The following MIA2 variants were observed in gnomAD, a reference collection of about 807,000 sequenced individuals.
MIA2 encodes the protein melanoma inhibitory activity protein 2.
Under a neutral mutation model 167.8 loss-of-function variants are expected in MIA2, and 127 were observed. The ratio of observed to expected loss-of-function variants is 0.76; its 90% CI spans 0.66 to 0.88. The LOEUF is 0.88. Ranked by LOEUF, MIA2 falls within the 40% of genes least tolerant of loss-of-function variation. The probability of loss-of-function intolerance (pLI) is 0.00; values close to 1 mark genes in which losing one functional copy is unlikely to be tolerated. For missense variants in MIA2, 1,690 were observed against 1,624.7 expected, an observed-to-expected ratio of 1.04 and a Z score of -0.69; for synonymous variants, 552 against 541.9, an observed-to-expected ratio of 1.02 and a Z score of -0.26.
rs78536283 is a variant in MIA2 at position 39,277,038 on chromosome 14, C to G, written c.1992C>G (p.Leu664=). 16 of 1,611,968 alleles carry G rather than the reference C, an allele frequency of 9.9e-6. No individual in the cohort carries two copies. The African/African-American group carries it at 1.6e-4, about 16-fold the overall frequency. Reference sequence around the variant, plus strand: ...CTGTTGTTGGATTTTTTGCTGTTCTCTTTTTTTTGTGGAGAAGTTTTAGAT... The same window carrying G: ...CTGTTGTTGGATTTTTTGCTGTTCTGTTTTTTTTGTGGAGAAGTTTTAGAT... ...CAAVVGFFAV[L]FFLWRSFRSV... is the part of the protein sequence containing the mutation. Residue 664 remains leucine, a synonymous_variant, in exon 7 of 29, where the codon CTC becomes CTG. Coordinates refer to ENST00000640607, the MANE Select transcript of MIA2 (RefSeq NM_001329214.4).
intron 7 of MIA2, among the ~76,000 whole-genome samples, chr14:39,278,834 C>G (rs1171611183): frequency 1.3e-5 from 2 of 152,104 alleles, no homozygotes; most frequent in Non-Finnish European, 2.9e-5. Context: ...TATGCTAATT[C>G]ACAATGTGAA....
intron 23 of MIA2, among the ~76,000 whole-genome samples, chr14:39,359,846 C>A (rs148753217): frequency 6.6e-6 from 1 of 152,182 alleles, no homozygotes; most frequent in Non-Finnish European, 1.5e-5. Flanking sequence ...TATAAAGACC[C>A]AGTTAATGGC....
chr14:39,352,873 G>A (rs567091722), downstream of MIA2, among the ~76,000 whole-genome samples: 23 of 152,066 alleles, frequency 1.5e-4, no homozygotes, highest in African/African-American at 5.5e-4. Context: ...TTTTTATATT[G>A]AGAATACTTC....
rs35159773 is a variant in MIA2 at position 39,286,696 on chromosome 14, C to CTTTTT, written c.2131-4312_2131-4308dup. Among the ~76,000 whole-genome samples the CTTTTT allele has an allele frequency of 1.3e-4, 19 of 142,686 alleles. 9 individuals carry two copies. Among genetic ancestry groups the CTTTTT allele is most frequent in the Non-Finnish European group, 1.8e-4 (12 of 66,012 alleles). The allele number at this position is 142,686 out of a possible 152,430, so 93.6% of individuals were successfully genotyped here. ...TTATCCTTCTCTTCCTTCCTTCTTA[C>CTTTTT]TTTTTTTTTTTTTTTGAGACAGGCT... On this transcript the variant is annotated intron_variant, in intron 9 of 28. Transcript: ENST00000640607.
intron 21 of MIA2, among the ~76,000 whole-genome samples, chr14:39,316,220 GAACT>G (rs2065407326): frequency 1.3e-5 from 2 of 152,330 alleles, no homozygotes; most frequent in Admixed American, 6.5e-5. Context: ...TGCTCCAGAG[GAACT>G]AACTGTGTGA....
chr14:39,309,772 G>C (rs895068513), intron 18 of MIA2, among the ~76,000 whole-genome samples: 25 of 152,064 alleles, frequency 1.6e-4, no homozygotes, highest in Non-Finnish European at 2.8e-4. Context: ...TGAGACGTGT[G>C]GTAACTGTTC....
downstream of MIA2, chr14:39,350,876 A>C (rs371097509): frequency 4.3e-4 from 65 of 152,196 alleles, no homozygotes; most frequent in African/African-American, 1.4e-3. Flanking sequence ...TTATATTTTA[A>C]AGATAACCAG....
chr14:39,287,106 CT>C (rs1233201221), intron 9 of MIA2, among the ~76,000 whole-genome samples: 20 of 151,948 alleles, frequency 1.3e-4, no homozygotes, highest in African/African-American at 4.4e-4. Flanking sequence ...CAAGGTCTCA[CT>C]CTGTTGCCCA....
At chr14:39,319,089 T>C (rs2065965507) in intron 22 of MIA2, 120 bp from the exon 23 acceptor site, 3 of 453,446 alleles carry the variant, frequency 6.6e-6, no homozygotes, top group South Asian at 1.3e-4. Context: ...TTTTAGAGGA[T>C]CTGTTTGTTC....
At chr14:39,313,486 T>A in intron 19 of MIA2, 45 bp downstream of exon 19, 1 of 1,137,256 alleles carries the variant, frequency 8.8e-7, no homozygotes, top group Non-Finnish European at 1.3e-6. Flanking sequence ...ATGGGAAGAG[T>A]ATCTAAAAAA....
intron 23 of MIA2, among the ~76,000 whole-genome samples, chr14:39,377,311 G>C (rs1340146489): frequency 6.6e-6 from 1 of 152,002 alleles, no homozygotes; most frequent in Non-Finnish European, 1.5e-5. Flanking sequence ...TCAGTAGGCA[G>C]GTATGAAAAT....
At chr14:39,280,459 A>G (rs1468286893) in intron 9 of MIA2, among the ~76,000 whole-genome samples, 1 of 152,032 alleles carries the variant, frequency 6.6e-6, no homozygotes, top group Non-Finnish European at 1.5e-5. Context: ...CCGGCTGGGC[A>G]CGGTGGCTCA....
At chr14:39,285,842 C>A (rs141080105) in intron 9 of MIA2, among the ~76,000 whole-genome samples, 1 of 148,442 alleles carries the variant, frequency 6.7e-6, no homozygotes, top group African/African-American at 2.5e-5. Context: ...ACCTCCCAGA[C>A]GGGGTCGCGG....
chr14:39,260,834 G>A (rs945129946), intron 6 of MIA2, among the ~76,000 whole-genome samples: 2 of 152,058 alleles, frequency 1.3e-5, no homozygotes, highest in Non-Finnish European at 2.9e-5. Context: ...GGTTTTTATG[G>A]TTTTAGGTCT....
intron 13 of MIA2, among the ~76,000 whole-genome samples, chr14:39,295,634 A>C (rs1193944355): frequency 6.6e-6 from 1 of 152,008 alleles, no homozygotes; most frequent in Non-Finnish European, 1.5e-5. Flanking sequence ...ATCTCGGCTC[A>C]CTGCGACCTC....
chr14:39,266,635 G>A (rs1397011503), intron 6 of MIA2: 3 of 985,552 alleles, frequency 3.0e-6, no homozygotes, highest in Non-Finnish European at 3.6e-6. Flanking sequence ...AAGTCCGGAC[G>A]TGGTTGGCAG....
At chr14:39,267,416 C>G (rs372657433) in intron 6 of MIA2, 2 of 1,608,978 alleles carry the variant, frequency 1.2e-6, no homozygotes, top group East Asian at 2.2e-5. Context: ...GTGGCCCCGA[C>G]AGGCCGGGGT....
chr14:39,347,629 A>T, intron 26 of MIA2, 84 bp from the exon 27 acceptor site: 1 of 1,446,852 alleles, frequency 6.9e-7, no homozygotes, highest in Non-Finnish European at 9.6e-7. Flanking sequence ...GGGGAGTGGG[A>T]AAATACCAAT....
intron 6 of MIA2, among the ~76,000 whole-genome samples, chr14:39,272,541 C>T (rs924908275): frequency 1.3e-5 from 2 of 152,170 alleles, no homozygotes; most frequent in African/African-American, 4.8e-5. Context: ...TCACTAGGGA[C>T]CCGCCCCTAT....
Sources: allele counts gnomAD v4.1 joint callset (sites outside exome capture counted in the v4.1 genomes callset), GRCh38; gene constraint gnomAD v4.1.1; transcripts MANE v1.5; gene names NCBI Gene and HGNC (gene_info 2026-07-23, HGNC 2026-07-21).